The following RBFOX1 variants were observed in gnomAD, a reference collection of about 807,000 sequenced individuals.
The protein encoded by RBFOX1 is RNA binding fox-1 homolog 1, also known as RNA binding protein fox-1 homolog 1.
Under a neutral mutation model 57.7 loss-of-function variants are expected in RBFOX1, and 8 were observed. The ratio of observed to expected loss-of-function variants is 0.14; its 90% CI spans 0.08 to 0.25. The LOEUF (loss-of-function observed/expected upper bound fraction) is 0.25, where lower values mean the gene tolerates loss of function less well. Among genes scored for constraint, RBFOX1 ranks in the 10% least tolerant of loss-of-function variants. RBFOX1 has a pLI of 1.00. For synonymous variants in RBFOX1, 326 were observed against 222.4 expected (o/e 1.47, Z -4.15); for missense variants, 611 against 548.5 (o/e 1.11, Z -1.14).
At chr16:6,216,215 A>G (rs1290480653) in intron 1 of RBFOX1, among the ~76,000 whole-genome samples, 1 of 152,084 alleles carries the variant, frequency 6.6e-6, no homozygotes, top group Non-Finnish European at 1.5e-5. Flanking sequence ...AATAATCTGA[A>G]CAACAACCCC....
chr16:5,793,729 A>G (rs8050982), intron 3 of RBFOX1, among the ~76,000 whole-genome samples: 74,800 of 152,114 alleles, frequency 0.49, 18,671 homozygotes, highest in African/African-American at 0.56. Flanking sequence ...GCCTGGATCT[A>G]TGTACATGTG....
At chr16:6,673,233 C>T (rs891555624) in intron 3 of RBFOX1, among the ~76,000 whole-genome samples, 3 of 152,138 alleles carry the variant, frequency 2.0e-5, no homozygotes, top group East Asian at 1.9e-4. Flanking sequence ...CTTCTCTATC[C>T]ACTCTCTGAT....
chr16:7,502,156 C>A (rs1057280066), intron 4 of RBFOX1, among the ~76,000 whole-genome samples: 1 of 151,944 alleles, frequency 6.6e-6, no homozygotes, highest in African/African-American at 2.4e-5. Context: ...CAATGAAAGA[C>A]AAGGTCATAT....
At chr16:6,078,245 A>T (rs923965990) in intron 1 of RBFOX1, among the ~76,000 whole-genome samples, 1 of 152,126 alleles carries the variant, frequency 6.6e-6, no homozygotes, top group Non-Finnish European at 1.5e-5. Context: ...TATTAATATT[A>T]TTACACAGGG....
chr16:6,464,863 G>A (rs2153070036), intron 2 of RBFOX1, among the ~76,000 whole-genome samples: 1 of 152,338 alleles, frequency 6.6e-6, no homozygotes, highest in Middle Eastern at 3.4e-3. Context: ...AAAACAGGTA[G>A]TACTATACAG....
At chr16:6,563,414 T>TC (rs1034654284) in intron 2 of RBFOX1, among the ~76,000 whole-genome samples, 4 of 152,112 alleles carry the variant, frequency 2.6e-5, no homozygotes, top group Non-Finnish European at 5.9e-5. Context: ...GAAACTGGGA[T>TC]CCCCCCTAGA....
intron 3 of RBFOX1, among the ~76,000 whole-genome samples, chr16:6,717,507 A>G (rs2065062423): frequency 6.6e-6 from 1 of 152,178 alleles, no homozygotes; most frequent in African/African-American, 2.4e-5. Context: ...GTTTAGAAGC[A>G]GAGATTTAAC....
chr16:6,387,713 G>A (rs1005087137), intron 2 of RBFOX1, among the ~76,000 whole-genome samples: 4 of 152,102 alleles, frequency 2.6e-5, no homozygotes, highest in East Asian at 1.9e-4. Context: ...TTTTGAGGGT[G>A]TATAGTGGGC....
intron 11 of RBFOX1, among the ~76,000 whole-genome samples, chr16:7,641,327 G>C (rs2062753077): frequency 6.6e-6 from 1 of 152,198 alleles, no homozygotes; most frequent in Admixed American, 6.5e-5. Context: ...GCCTGGTGTA[G>C]TTCATATAAA....
intron 1 of RBFOX1, among the ~76,000 whole-genome samples, chr16:6,242,379 A>G (rs999642299): frequency 1.3e-5 from 2 of 151,700 alleles, no homozygotes; most frequent in Admixed American, 1.3e-4. Context: ...TCTTTTTTTT[A>G]AAAAAAGTCT....
intron 4 of RBFOX1, among the ~76,000 whole-genome samples, chr16:5,944,089 T>C (rs527292173): frequency 1.3e-5 from 2 of 152,266 alleles, no homozygotes; most frequent in Admixed American, 6.5e-5. Flanking sequence ...ACATAGAGCA[T>C]CAATTCCATT....
chr16:5,958,327 C>G (rs555905805), intron 4 of RBFOX1, among the ~76,000 whole-genome samples: 162 of 152,234 alleles, frequency 1.1e-3, no homozygotes, highest in African/African-American at 3.8e-3. Flanking sequence ...TAGAAAGTGA[C>G]TGTTTTGCTA....
At chr16:6,951,313 C>T (rs1251471042) in intron 3 of RBFOX1, among the ~76,000 whole-genome samples, 1 of 152,158 alleles carries the variant, frequency 6.6e-6, no homozygotes. Flanking sequence ...AGGCTGGATA[C>T]TGGAGTCATT....
At chr16:7,005,525 T>TAA (rs1305886365) in intron 3 of RBFOX1, among the ~76,000 whole-genome samples, 2 of 152,190 alleles carry the variant, frequency 1.3e-5, no homozygotes, top group Non-Finnish European at 2.9e-5. Flanking sequence ...GGTACAATGA[T>TAA]AAGTGTTCTG....
chr16:5,445,096 A>G (rs909282559), intron 1 of RBFOX1, among the ~76,000 whole-genome samples: 9 of 152,196 alleles, frequency 5.9e-5, no homozygotes, highest in Admixed American at 4.6e-4. Flanking sequence ...TCTGGCAGGT[A>G]GGTGGGAATG....
At chr16:6,578,591 G>T (rs1440735602) in intron 2 of RBFOX1, among the ~76,000 whole-genome samples, 1 of 130,680 alleles carries the variant, frequency 7.7e-6, no homozygotes, top group South Asian at 2.8e-4. Context: ...GGGTATTGGT[G>T]TGTGTGCGTG....
At chr16:6,850,450 G>A (rs1456340931) in intron 3 of RBFOX1, among the ~76,000 whole-genome samples, 1 of 152,016 alleles carries the variant, frequency 6.6e-6, no homozygotes, top group African/African-American at 2.4e-5. Flanking sequence ...TGACAAATGA[G>A]GTTTGAGTTG....
intron 1 of RBFOX1, among the ~76,000 whole-genome samples, chr16:6,085,928 G>A (rs1287272060): frequency 6.6e-6 from 1 of 152,006 alleles, no homozygotes; most frequent in Non-Finnish European, 1.5e-5. Context: ...CCGTCACCTA[G>A]GCATTAAGCC....
chr16:7,048,379 C>A (rs1339225990), intron 3 of RBFOX1, among the ~76,000 whole-genome samples: 5 of 152,048 alleles, frequency 3.3e-5, no homozygotes, highest in Admixed American at 6.6e-5. Context: ...CCTGCCTCAG[C>A]CTCCCTAGTA....
Sources: gnomAD v4.1 joint callset for allele counts (sites outside exome capture counted in the v4.1 genomes callset) on GRCh38, gnomAD v4.1.1 for gene constraint, MANE v1.5 for transcripts, NCBI Gene and HGNC (gene_info 2026-07-23, HGNC 2026-07-21) for gene names.